The following MGAT5 variants were observed in gnomAD, a reference collection of about 807,000 sequenced individuals.
MGAT5 encodes the protein alpha-1,6-mannosylglycoprotein 6-beta-N-acetylglucosaminyltransferase.
MGAT5 carries 30 observed loss-of-function variants against 94.3 expected under a neutral mutation model. The ratio of observed to expected loss-of-function variants is 0.32; its 90% CI spans 0.24 to 0.43. MGAT5 has a LOEUF of 0.43. MGAT5 is among the 20% of genes least tolerant of loss of function. The pLI is 1.00. For synonymous variants in MGAT5, 310 were observed against 322.9 expected (o/e 0.96, Z 0.43); for missense variants, 691 against 905.5 (o/e 0.76, Z 3.04).
intron 10 of MGAT5, among the ~76,000 whole-genome samples, chr2:134,372,858 A>G (rs989955814): frequency 9.2e-5 from 14 of 152,236 alleles, no homozygotes; most frequent in Non-Finnish European, 1.6e-4. Context: ...ACTGCTGTCC[A>G]TGAAAAGAGG....
chr2:134,375,189 T>G, intron 10 of MGAT5, among the ~76,000 whole-genome samples: 1 of 152,190 alleles, frequency 6.6e-6, no homozygotes, highest in East Asian at 1.9e-4. Context: ...TAAATACTAT[T>G]ATTAACCCCA....
At chr2:134,194,087 G>C (rs1186578047) in intron 1 of MGAT5, among the ~76,000 whole-genome samples, 1 of 152,218 alleles carries the variant, frequency 6.6e-6, no homozygotes, top group Non-Finnish European at 1.5e-5. Flanking sequence ...AACTCTGCCA[G>C]TGGCAATTTG....
rs75005366 is a variant in MGAT5 at position 134,156,869 on chromosome 2, G to T, written c.-143+36578G>T. 9.4e-3 allele frequency among the ~76,000 whole-genome samples: 1,439 copies of T among 152,282 alleles called. 18 individuals are homozygous for T. Among genetic ancestry groups the T allele is most frequent in the Non-Finnish European group, 0.017 (1,143 of 68,016 alleles). On this transcript the variant is annotated intron_variant, in intron 1 of 16. Coordinates refer to the MGAT5 transcript ENST00000409645. ...ACGGTGGTGTGGCCAGAGTGCAACTGGGACGTTGGACTCGGACACATCCAG... is the reference window on the plus strand; with the variant it reads ...ACGGTGGTGTGGCCAGAGTGCAACTTGGACGTTGGACTCGGACACATCCAG...
At chr2:134,442,763 A>G (rs975621732) in intron 15 of MGAT5, among the ~76,000 whole-genome samples, 1 of 151,994 alleles carries the variant, frequency 6.6e-6, no homozygotes, top group Admixed American at 6.5e-5. Flanking sequence ...CTCAATTTTT[A>G]TCACACCCCA....
In MGAT5 at chr2:134,194,677, C is replaced by T. The variant is rs112104769; in HGVS notation, c.-142-59585C>T. Among the ~76,000 whole-genome samples the T allele has an allele frequency of 1.7e-4, 26 of 152,208 alleles. No individual in the cohort carries two copies. The East Asian group carries it at 3.9e-3, about 23-fold the overall frequency. On this transcript the variant is annotated intron_variant, in intron 1 of 16. Transcript: ENST00000409645. ...CCTCCCCCGGGAGGTCTAGATACTT[C>T]AAGGTAGATATAGAGAGTACTGTCT...
intron 2 of MGAT5, among the ~76,000 whole-genome samples, chr2:134,300,811 G>A (rs943463142): frequency 2.0e-5 from 3 of 152,132 alleles, no homozygotes; most frequent in Non-Finnish European, 2.9e-5. Flanking sequence ...TTAAAGATTA[G>A]CAAAGGAAAA....
chr2:134,121,226 G>A (rs1303238339), intron 1 of MGAT5, among the ~76,000 whole-genome samples: 1 of 152,236 alleles, frequency 6.6e-6, no homozygotes, highest in Non-Finnish European at 1.5e-5. Flanking sequence ...GGGCGTGGGT[G>A]TTAGCCCCTG....
rs374289941 is a variant in MGAT5, at chr2:134,189,319, G to A, written c.-142-64943G>A. On this transcript the variant is annotated intron_variant, in intron 1 of 16. Coordinates refer to the MGAT5 transcript ENST00000409645. ...GTGTAAACTCAGGTGTGATCCAAGG[G>A]GTTTATCAAAAATAAATACACTCCT... is the stretch of plus-strand genomic sequence containing the variant. 2.9e-4 allele frequency among the ~76,000 whole-genome samples: 44 copies of A among 152,102 alleles called. 1 individual carries two copies. The highest frequency in any genetic ancestry group is 1.0e-3 in the African/African-American group (43 of 41,464).
At chr2:134,307,726 T>A (rs1174986134) in intron 2 of MGAT5, among the ~76,000 whole-genome samples, 2 of 152,168 alleles carry the variant, frequency 1.3e-5, no homozygotes, top group Non-Finnish European at 2.9e-5. Flanking sequence ...GCCTACCCAC[T>A]GTGGGTAGAT....
intron 1 of MGAT5, among the ~76,000 whole-genome samples, chr2:134,201,568 T>C (rs1462364204): frequency 2.6e-5 from 4 of 152,170 alleles, no homozygotes; most frequent in African/African-American, 4.8e-5. Flanking sequence ...CAGCTTGTGA[T>C]GGTTCCAGAC....
intron 1 of MGAT5, among the ~76,000 whole-genome samples, chr2:134,184,204 T>G (rs1477445372): frequency 6.6e-6 from 1 of 152,240 alleles, no homozygotes; most frequent in African/African-American, 2.4e-5. Context: ...AGGAGGAAAC[T>G]GTATCTGAGA....
chr2:134,420,582 G>A (rs1684239033), intron 12 of MGAT5, among the ~76,000 whole-genome samples: 1 of 152,148 alleles, frequency 6.6e-6, no homozygotes. Context: ...GGGAAAGACG[G>A]AGGGGTGCCA....
At chr2:134,225,447 G>A (rs1558997052) in intron 1 of MGAT5, among the ~76,000 whole-genome samples, 1 of 152,116 alleles carries the variant, frequency 6.6e-6, no homozygotes, top group Non-Finnish European at 1.5e-5. Context: ...CATCTTAGAG[G>A]GATTGTGTTG....
chr2:134,382,005 T>C (rs906517736), intron 10 of MGAT5, among the ~76,000 whole-genome samples: 5 of 152,212 alleles, frequency 3.3e-5, no homozygotes, highest in African/African-American at 1.2e-4. Context: ...AATTGAGAAG[T>C]GTCTGACCCC....
At chr2:134,176,395 A>G (rs1245361603) in intron 1 of MGAT5, among the ~76,000 whole-genome samples, 1 of 151,952 alleles carries the variant, frequency 6.6e-6, no homozygotes, top group Non-Finnish European at 1.5e-5. Context: ...AACGTGGTGA[A>G]ACCCCTTCTC....
At chr2:134,183,587 GT>G (rs775412619) in intron 1 of MGAT5, among the ~76,000 whole-genome samples, 27 of 152,218 alleles carry the variant, frequency 1.8e-4, no homozygotes, top group Non-Finnish European at 2.9e-4. Context: ...TGGATAGCCT[GT>G]TTAATAGTTG....
intron 1 of MGAT5, among the ~76,000 whole-genome samples, chr2:134,217,563 AACCT>A (rs1321568623): frequency 6.6e-6 from 1 of 152,208 alleles, no homozygotes; most frequent in African/African-American, 2.4e-5. Flanking sequence ...TGCAGCAATT[AACCT>A]CAGTAGGAAC....
chr2:134,275,061 T>G (rs536561876), intron 2 of MGAT5, among the ~76,000 whole-genome samples: 1 of 152,298 alleles, frequency 6.6e-6, no homozygotes, highest in Admixed American at 6.5e-5. Context: ...CTGTGCTCTT[T>G]CCTTGTATGT....
intron 1 of MGAT5, among the ~76,000 whole-genome samples, chr2:134,144,706 C>T (rs951164226): frequency 6.6e-6 from 1 of 152,310 alleles, no homozygotes; most frequent in South Asian, 2.1e-4. Flanking sequence ...GGCAGTAGTA[C>T]ATGTTTTTAA....
Sources: gnomAD v4.1 joint callset for allele counts (sites outside exome capture counted in the v4.1 genomes callset) on GRCh38, gnomAD v4.1.1 for gene constraint, MANE v1.5 for transcripts, NCBI Gene and HGNC (gene_info 2026-07-23, HGNC 2026-07-21) for gene names.